KDM1B: variants seen among roughly 807,000 people sequenced by gnomAD.
KDM1B encodes lysine demethylase 1B, also known as lysine-specific histone demethylase 2.
In KDM1B, 63 loss-of-function variants were observed where a neutral mutation model predicts 107.4. That is an observed-to-expected ratio of 0.59 (90% CI 0.48 to 0.72). The LOEUF (loss-of-function observed/expected upper bound fraction) is 0.72, where lower values mean the gene tolerates loss of function less well. Ranked by LOEUF, KDM1B falls within the 30% of genes least tolerant of loss-of-function variation. The pLI, the probability that KDM1B is intolerant of heterozygous loss-of-function variation, is 0.00. For synonymous variants in KDM1B, 363 were observed against 363.9 expected, an observed-to-expected ratio of 1.00 and a Z score of 0.03; for missense variants, 749 against 1,020.8, an observed-to-expected ratio of 0.73 and a Z score of 3.63.
In KDM1B at chr6:18,217,728, C is replaced by T. The variant is rs1561959039; in HGVS notation, c.2233-5C>T. The T allele has an allele frequency of 6.2e-7, 1 of 1,610,442 alleles. No individual in the cohort carries two copies. The highest frequency in any genetic ancestry group is 1.3e-5 in the African/African-American group (1 of 74,410). On this transcript the variant is annotated splice_polypyrimidine_tract_variant and splice_region_variant and intron_variant, in intron 20 of 21. Transcript: ENST00000650836. Reference sequence around the variant, plus strand: ...TACTTCATAATTCCTTTCTATTGGACATAGGAGGTCCCAGATCCCACAAAG... The same window carrying T: ...TACTTCATAATTCCTTTCTATTGGATATAGGAGGTCCCAGATCCCACAAAG...
In KDM1B at chr6:18,179,835, C is replaced by CACTAGAT. The variant is rs377380814; in HGVS notation, c.535-5936_535-5935insCTAGATA. ...GCTATTCCAAAATCTTTCAATTTAG[C>CACTAGAT]ATTGGTTTTTTTTCCTTTTTTTTTT... On this transcript the variant is annotated intron_variant, in intron 7 of 21. Coordinates refer to ENST00000650836, the MANE Select transcript of KDM1B (RefSeq NM_001364614.2). Among the ~76,000 whole-genome samples the CACTAGAT allele has an allele frequency of 2.2e-3, 156 of 71,546 alleles. 71 individuals carry two copies. Among genetic ancestry groups the CACTAGAT allele is most frequent in the Middle Eastern group, 0.016 (2 of 122 alleles). 46.9% of individuals were successfully genotyped at this position (71,546 alleles called of 152,430 possible).
Position 18,191,258 on chromosome 6 carries a change from C to T in KDM1B, c.846C>T (p.Leu282=). 1 of 1,550,670 alleles carries T rather than the reference C, an allele frequency of 6.4e-7. No individual in the cohort carries two copies. Among genetic ancestry groups the T allele is most frequent in the Non-Finnish European group, 8.7e-7 (1 of 1,147,024 alleles). ...AGCCCAATGAGTGTGGCAAAGCCCT[C>T]TGTGTGAGGCCGGATGTGATGGAAC... The part of the protein sequence containing the change: ...FYQPNECGKA[L]CVRPDVMELD... Residue 282 remains leucine, a synonymous_variant, in exon 10 of 22, where the codon CTC becomes CTT. Transcript: ENST00000650836. The surrounding 1 kb of genome is among the most constrained non-coding windows in gnomAD (Gnocchi z 5.1).
intron 21 of KDM1B, 33 bp downstream of exon 21, chr6:18,217,918 T>C: frequency 6.3e-7 from 1 of 1,594,860 alleles, no homozygotes; most frequent in Non-Finnish European, 8.5e-7. Flanking sequence ...CAATTATTTG[T>C]ATTTTGATTT....
intron 7 of KDM1B, among the ~76,000 whole-genome samples, chr6:18,180,795 A>G (rs1159926415): frequency 6.6e-6 from 1 of 152,152 alleles, no homozygotes; most frequent in Non-Finnish European, 1.5e-5. Flanking sequence ...CGAACTCCTG[A>G]TCTCAGGTGA....
In KDM1B at chr6:18,205,681, T is replaced by G; in HGVS notation, c.1659+17T>G. ...CTTCACCAGGTGCGCTTGGGTTTTG[T>G]GAAAGGTGTGCTTTGAAAATACTTG... On this transcript the variant is annotated intron_variant, in intron 15 of 21. Transcript: ENST00000650836. This position sits in a 1 kb window ranked among gnomAD's most constrained non-coding sequence, Gnocchi z 5.7. 1 of 1,486,000 alleles carries G rather than the reference T, an allele frequency of 6.7e-7. No individual in the cohort carries two copies. Among genetic ancestry groups the G allele is most frequent in the Non-Finnish European group, 8.9e-7 (1 of 1,119,558 alleles). The allele number at this position is 1,486,000 out of a possible 1,614,324, so 92.1% of individuals were successfully genotyped here. A position where few individuals can be genotyped will look rare whatever the true frequency, so the allele number is the denominator to read the frequency against.
chr6:18,200,706 T>A lies in KDM1B; in HGVS notation c.1359+130T>A. The A allele has an allele frequency of 1.5e-6, 1 of 678,760 alleles. No homozygotes were observed. Among genetic ancestry groups the A allele is most frequent in the Non-Finnish European group, 2.3e-6 (1 of 439,596 alleles). 42.0% of individuals were successfully genotyped at this position (678,760 alleles called of 1,614,324 possible). ...CCCCCTCATCTCCTATGCAAAGCAG[T>A]AAGAATTACACTTCTGCCTTTCTGA... is the stretch of plus-strand genomic sequence containing the variant. On this transcript the variant is annotated intron_variant, in intron 13 of 21. Coordinates refer to ENST00000650836, the MANE Select transcript of KDM1B (RefSeq NM_001364614.2). This position sits in a 1 kb window ranked among gnomAD's most constrained non-coding sequence, Gnocchi z 4.3.
chr6:18,160,772 A>G (rs1214460685), intron 3 of KDM1B, among the ~76,000 whole-genome samples: 1 of 151,882 alleles, frequency 6.6e-6, no homozygotes, highest in Non-Finnish European at 1.5e-5. Flanking sequence ...TGCTCTAAAT[A>G]AAGAAAAAAC....
At position 18,186,029 on chromosome 6, in the gene KDM1B, C is replaced by T. The variant is rs1786830349; in HGVS notation, c.573+219C>T. 6.6e-6 allele frequency among the ~76,000 whole-genome samples: 1 copy of T among 152,178 alleles called. No individual in the cohort carries two copies. Among genetic ancestry groups the T allele is most frequent in the African/African-American group, 2.4e-5 (1 of 41,436 alleles). ...AAAAAATAAAAATAAAGTTATGTTG[C>T]TTTTCATTAAAAGGAAACAAAGAGG... is the stretch of plus-strand genomic sequence containing the variant. On this transcript the variant is annotated intron_variant, in intron 8 of 21. Transcript: ENST00000650836. This position sits in a 1 kb window ranked among gnomAD's most constrained non-coding sequence, Gnocchi z 5.6.
At position 18,166,267 on chromosome 6, in the gene KDM1B, C is replaced by T. The variant is rs746910305; in HGVS notation, c.306C>T (p.Ser102=). 3 of 1,447,808 alleles carry T rather than the reference C, an allele frequency of 2.1e-6. No individual in the cohort carries two copies. The highest frequency in any genetic ancestry group is 1.4e-5 in the African/African-American group (1 of 71,696). The allele number at this position is 1,447,808 out of a possible 1,614,324, so 89.7% of individuals were successfully genotyped here. The change falls in exon 6 of 22, where the codon AGC becomes AGT. Residue 102 remains serine, a splice_region_variant and synonymous_variant. Transcript: ENST00000650836. ...TATATTAATTTTTCTTGTTTTTCAG[C>T]CATAAGGATGGATATGACAAATATA... ...CNECFDHYYR[S]HKDGYDKYTT...
chr6:18,180,928 G>A (rs1365220543), intron 7 of KDM1B, among the ~76,000 whole-genome samples: 5 of 152,188 alleles, frequency 3.3e-5, no homozygotes, highest in Admixed American at 6.5e-5. Context: ...GGAGTGATCC[G>A]TAATCTCACC....
Position 18,212,572 on chromosome 6 carries a change from A to G in KDM1B, c.1951A>G (p.Ile651Val), listed in dbSNP as rs745319699. Residue 651 changes from isoleucine (I) to valine (V), a missense_variant, in exon 18 of 22, where the codon ATC becomes GTC. Ile to Val is a conservative substitution (Grantham distance 29). Coordinates refer to ENST00000650836, the MANE Select transcript of KDM1B (RefSeq NM_001364614.2). The surrounding 1 kb of genome is among the most constrained non-coding windows in gnomAD (Gnocchi z 5.2). ...GTTGTCAGAGAAGAAGATGAAGGCTATCAACAGCTTAGGCGCAGGCATCAT... is the reference window on the plus strand; with the variant it reads ...GTTGTCAGAGAAGAAGATGAAGGCTGTCAACAGCTTAGGCGCAGGCATCAT... ...PPLSEKKMKAINSLGAGIIEK... is the reference protein window; with the variant it reads ...PPLSEKKMKAVNSLGAGIIEK... 8.7e-6 allele frequency: 14 copies of G among 1,613,906 alleles called. No individual in the cohort carries two copies. Among genetic ancestry groups the G allele is most frequent in the Non-Finnish European group, 1.2e-5 (14 of 1,179,852 alleles).
chr6:18,190,436 C>CAA (rs59766756), intron 9 of KDM1B, among the ~76,000 whole-genome samples: 2,913 of 107,340 alleles, frequency 0.027, 49 homozygotes, highest in South Asian at 0.047. Flanking sequence ...ACTAAAAATA[C>CAA]AAAAAAAAAA....
At chr6:18,179,236 TG>T (rs113555442) in intron 7 of KDM1B, among the ~76,000 whole-genome samples, 80 of 152,236 alleles carry the variant, frequency 5.3e-4, no homozygotes, top group Middle Eastern at 3.4e-3. Context: ...GTTGCATTCC[TG>T]GGGGAAAAAA....
chr6:18,203,932 C>T lies in KDM1B; in HGVS notation c.1532-1605C>T, dbSNP rs548737387. Among the ~76,000 whole-genome samples, 7 of 151,862 alleles carry T rather than the reference C, an allele frequency of 4.6e-5. 1 individual carries two copies. In the East Asian group the frequency reaches 1.2e-3, roughly 25 times the overall value. ...TCTTAGCAATCTTGGTTTTTCTCCCCGCCGCCTCCACAAAACCAACAGGAA... is the reference window on the plus strand; with the variant it reads ...TCTTAGCAATCTTGGTTTTTCTCCCTGCCGCCTCCACAAAACCAACAGGAA... On this transcript the variant is annotated intron_variant, in intron 14 of 21. Transcript: ENST00000650836. The surrounding 1 kb of genome is among the most constrained non-coding windows in gnomAD (Gnocchi z 5.5).
Position 18,161,834 on chromosome 6 carries a change from A to G in KDM1B, c.215+380A>G, listed in dbSNP as rs560293048. On this transcript the variant is annotated intron_variant, in intron 4 of 21. Transcript: ENST00000650836. Reference sequence around the variant, plus strand: ...TTTTCGTTGTGTTTTTCTCTCTCATATAACATGCCACCTCTTCCCATACGC... The same window carrying G: ...TTTTCGTTGTGTTTTTCTCTCTCATGTAACATGCCACCTCTTCCCATACGC... Among the ~76,000 whole-genome samples, 4 of 152,262 alleles carry G rather than the reference A, an allele frequency of 2.6e-5. No homozygotes were observed. The East Asian group carries it at 7.7e-4, about 29-fold the overall frequency.
rs776466067 is a variant in KDM1B, at chr6:18,221,865, TCAA to T, written c.2386-42_2386-40del. 1.4e-5 allele frequency: 20 copies of T among 1,424,158 alleles called. No individual in the cohort carries two copies. The East Asian group carries it at 1.6e-4, about 11-fold the overall frequency. The allele number at this position is 1,424,158 out of a possible 1,614,324, so 88.2% of individuals were successfully genotyped here. A position where few individuals can be genotyped will look rare whatever the true frequency, so the allele number is the denominator to read the frequency against. On this transcript the variant is annotated intron_variant, in intron 21 of 21. Coordinates refer to ENST00000650836, the MANE Select transcript of KDM1B (RefSeq NM_001364614.2). ...CCTTGTTTTACCTTTTGATATCAAC[TCAA>T]CTCTATGCATGATCTCAAATTATGT...
chr6:18,209,673 A>G lies in KDM1B; in HGVS notation c.1866+1467A>G, dbSNP rs371876989. Among the ~76,000 whole-genome samples, 5 of 152,026 alleles carry G rather than the reference A, an allele frequency of 3.3e-5. No homozygotes were observed. The highest frequency in any genetic ancestry group is 1.2e-4 in the African/African-American group (5 of 41,396). On this transcript the variant is annotated intron_variant, in intron 17 of 21. Transcript: ENST00000650836. The surrounding 1 kb of genome is among the most constrained non-coding windows in gnomAD (Gnocchi z 4.3). The stretch of plus-strand genomic sequence containing the variant: ...CAGGCTGGAGTGCAGTGGCACAGTC[A>G]TAGCTCACTGTAGCCTCGAGCAACT...
intron 5 of KDM1B, among the ~76,000 whole-genome samples, chr6:18,165,333 T>C (rs1035770647): frequency 3.3e-5 from 5 of 151,820 alleles, no homozygotes; most frequent in Non-Finnish European, 7.4e-5. Context: ...GGTTTCACTG[T>C]GTTAGCCAGG....
In KDM1B at chr6:18,211,110, C is replaced by T. The variant is rs2151018392; in HGVS notation, c.1867-1378C>T. Among the ~76,000 whole-genome samples the T allele has an allele frequency of 6.6e-6, 1 of 152,138 alleles. No individual in the cohort carries two copies. Among genetic ancestry groups the T allele is most frequent in the East Asian group, 1.9e-4 (1 of 5,174 alleles). ...TTTTTTTTGGTTGCATGGTAATTAT[C>T]TATAAATAGATTATAAACTTCTTGA... is the stretch of plus-strand genomic sequence containing the variant. On this transcript the variant is annotated intron_variant, in intron 17 of 21. Transcript: ENST00000650836. This position sits in a 1 kb window ranked among gnomAD's most constrained non-coding sequence, Gnocchi z 5.2.
Sources: gnomAD v4.1 joint callset for allele counts (sites outside exome capture counted in the v4.1 genomes callset) on GRCh38, gnomAD v4.1.1 for gene constraint, Gnocchi (gnomAD v3.1) non-coding constraint, MANE v1.5 for transcripts, NCBI Gene and HGNC (gene_info 2026-07-23, HGNC 2026-07-21) for gene names.